The following PHF14 variants were observed in gnomAD, a reference collection of about 807,000 sequenced individuals.
The protein encoded by PHF14 is PHD finger protein 14.
A neutral mutation model predicts 117.9 loss-of-function variants in PHF14; 55 were observed. That is an observed-to-expected ratio of 0.47 (90% CI 0.38 to 0.58). The LOEUF (loss-of-function observed/expected upper bound fraction) is 0.58. Among genes scored for constraint, PHF14 ranks in the 20% least tolerant of loss-of-function variants. The probability of loss-of-function intolerance (pLI) is 0.00; values close to 1 mark genes in which losing one functional copy is unlikely to be tolerated. For missense variants in PHF14, 978 were observed against 1,122.2 expected (o/e 0.87, Z 1.84); for synonymous variants, 409 against 368.6 (o/e 1.11, Z -1.26).
intron 17 of PHF14, among the ~76,000 whole-genome samples, chr7:11,160,135 G>T (rs561667025): frequency 6.6e-6 from 1 of 152,164 alleles, no homozygotes; most frequent in African/African-American, 2.4e-5. Context: ...TACCCAATGT[G>T]CTCCCACTTA....
At chr7:11,086,119 A>G (rs186146308) in intron 16 of PHF14, among the ~76,000 whole-genome samples, 3 of 152,284 alleles carry the variant, frequency 2.0e-5, no homozygotes, top group Non-Finnish European at 4.4e-5. Context: ...TCTCTCCTGG[A>G]CCGTTGCAAT....
intron 13 of PHF14, among the ~76,000 whole-genome samples, chr7:11,048,928 T>C (rs1583411151): frequency 1.3e-5 from 2 of 152,220 alleles, no homozygotes; most frequent in African/African-American, 4.8e-5. Context: ...GTAACATTTC[T>C]ATTTTCTGGG....
chr7:11,076,230 T>G (rs532102547), intron 16 of PHF14, among the ~76,000 whole-genome samples: 4 of 152,342 alleles, frequency 2.6e-5, no homozygotes, highest in African/African-American at 7.2e-5. Flanking sequence ...AATTTACATT[T>G]GAACAGTGTG....
intron 17 of PHF14, among the ~76,000 whole-genome samples, chr7:11,156,631 T>TA (rs1241634002): frequency 6.6e-6 from 1 of 151,806 alleles, no homozygotes; most frequent in Non-Finnish European, 1.5e-5. Flanking sequence ...CTATCTCTAC[T>TA]AAAAAATACA....
chr7:11,105,842 G>A lies in PHF14; in HGVS notation c.2655-5508G>A, dbSNP rs569665749. On this transcript the variant is annotated intron_variant, in intron 16 of 17. Transcript: ENST00000634607. ...TGGGCTTTGTAAATAAAATGAGATTGACACCCAGCAATTATCTCATTTATC... is the reference window on the plus strand; with the variant it reads ...TGGGCTTTGTAAATAAAATGAGATTAACACCCAGCAATTATCTCATTTATC... The A allele has an allele frequency of 2.9e-4, 285 of 984,370 alleles. No individual in the cohort carries two copies. The Middle Eastern group carries it at 5.2e-3, about 18-fold the overall frequency. The allele number at this position is 984,370 out of a possible 1,614,324, so 61.0% of individuals were successfully genotyped here.
At chr7:11,073,576 G>T (rs555017397) in intron 16 of PHF14, among the ~76,000 whole-genome samples, 2 of 152,284 alleles carry the variant, frequency 1.3e-5, no homozygotes, top group Admixed American at 6.5e-5. Flanking sequence ...CAGGCTCAGG[G>T]TGCAAGCTGC....
intron 17 of PHF14, among the ~76,000 whole-genome samples, chr7:11,145,117 C>T (rs1347469393): frequency 2.6e-5 from 4 of 151,496 alleles, no homozygotes; most frequent in Non-Finnish European, 5.9e-5. Context: ...CTATTTTATA[C>T]CACAATTATA....
chr7:11,062,172 A>C lies in PHF14; in HGVS notation c.2654+87A>C, dbSNP rs537443704. The C allele has an allele frequency of 2.6e-5, 29 of 1,108,620 alleles. No individual in the cohort carries two copies. The African/African-American group carries it at 3.2e-4, about 12-fold the overall frequency. The allele number at this position is 1,108,620 out of a possible 1,614,324, so 68.7% of individuals were successfully genotyped here. A position where few individuals can be genotyped will look rare whatever the true frequency, so the allele number is the denominator to read the frequency against. Reference sequence around the variant, plus strand: ...ACAGAAAAAATGAAAAAACAATTGCAGGATAAGACCTTTCTTAAAATATTA... The same window carrying C: ...ACAGAAAAAATGAAAAAACAATTGCCGGATAAGACCTTTCTTAAAATATTA... On this transcript the variant is annotated intron_variant, in intron 16 of 17. Coordinates refer to ENST00000634607, the MANE Select transcript of PHF14 (RefSeq NM_001007157.2).
At chr7:11,146,517 A>G (rs1322703921) in intron 17 of PHF14, among the ~76,000 whole-genome samples, 1 of 152,180 alleles carries the variant, frequency 6.6e-6, no homozygotes, top group African/African-American at 2.4e-5. Flanking sequence ...GAAATAAGTG[A>G]AAGACTACAA....
intron 16 of PHF14, among the ~76,000 whole-genome samples, chr7:11,079,401 C>T (rs531092343): frequency 6.6e-5 from 10 of 152,062 alleles, no homozygotes; most frequent in Non-Finnish European, 1.3e-4. Context: ...TTTCAAATGC[C>T]ACATTAAACC....
intron 16 of PHF14, chr7:11,063,102 G>A: frequency 1.1e-6 from 1 of 923,306 alleles, no homozygotes; most frequent in Non-Finnish European, 1.3e-6. Flanking sequence ...AAGGCATGAA[G>A]TCTTAAATTT....
intron 17 of PHF14, among the ~76,000 whole-genome samples, chr7:11,138,242 C>T (rs553006684): frequency 4.3e-4 from 66 of 151,966 alleles, no homozygotes; most frequent in Admixed American, 2.0e-3. Flanking sequence ...AGGGTTTCAC[C>T]GCGTTAGCCA....
At chr7:11,061,612 A>G (rs1028913829) in intron 14 of PHF14, 179 bp from the exon 15 acceptor site, 15 of 400,186 alleles carry the variant, frequency 3.7e-5, no homozygotes, top group Admixed American at 1.7e-4. Flanking sequence ...TTTATTTCCT[A>G]TGGCATAAAT....
At chr7:11,127,847 A>T (rs7792131) in intron 17 of PHF14, among the ~76,000 whole-genome samples, 1 of 152,080 alleles carries the variant, frequency 6.6e-6, no homozygotes, top group East Asian at 1.9e-4. Context: ...TCACTCACCC[A>T]TGAGTCCTAA....
At chr7:10,994,737 G>C (rs1333791858) in intron 4 of PHF14, among the ~76,000 whole-genome samples, 1 of 152,088 alleles carries the variant, frequency 6.6e-6, no homozygotes, top group African/African-American at 2.4e-5. Flanking sequence ...GGATGTGTTC[G>C]GAGTTTCTTC....
At chr7:11,083,610 G>A (rs1350206852) in intron 16 of PHF14, among the ~76,000 whole-genome samples, 8 of 151,510 alleles carry the variant, frequency 5.3e-5, no homozygotes, top group African/African-American at 9.7e-5. Flanking sequence ...ACAGGTGCCC[G>A]CCACTACGCC....
intron 6 of PHF14, 107 bp downstream of exon 6, chr7:11,023,086 T>C: frequency 3.6e-6 from 2 of 551,786 alleles, no homozygotes; most frequent in Non-Finnish European, 3.2e-6. Context: ...TTACTAGGAA[T>C]CATTCTATTT....
chr7:11,105,573 T>C, intron 16 of PHF14: 8 of 983,804 alleles, frequency 8.1e-6, no homozygotes, highest in Non-Finnish European at 8.4e-6. Flanking sequence ...TTTAAGAGAC[T>C]CAACTTGGAG....
chr7:11,035,809 C>T lies in PHF14; in HGVS notation c.1602+23C>T, dbSNP rs534298383. 122 of 1,547,554 alleles carry T rather than the reference C, an allele frequency of 7.9e-5. No individual in the cohort carries two copies. The Admixed American group carries it at 1.3e-3, about 17-fold the overall frequency. On this transcript the variant is annotated intron_variant, in intron 8 of 17. Coordinates refer to ENST00000634607, the MANE Select transcript of PHF14 (RefSeq NM_001007157.2). ...CAGGTATGGGATTCATGTCAAAACC[C>T]GTATGTTTTTGTTTTAAGGTTATGT...
Sources: allele counts gnomAD v4.1 joint callset (sites outside exome capture counted in the v4.1 genomes callset), GRCh38; gene constraint gnomAD v4.1.1; transcripts MANE v1.5; gene names NCBI Gene and HGNC (gene_info 2026-07-23, HGNC 2026-07-21).